The following LHFPL3 variants were observed in gnomAD, a reference collection of about 807,000 sequenced individuals.
The protein encoded by LHFPL3 is LHFPL tetraspan subfamily member 3, also known as LHFPL tetraspan subfamily member 3 protein.
Under a neutral mutation model 19.3 loss-of-function variants are expected in LHFPL3, and 5 were observed. The observed-to-expected ratio is 0.26, with a 90% CI of 0.14 to 0.54. The LOEUF is 0.54. Ranked by LOEUF, LHFPL3 falls within the 20% of genes least tolerant of loss-of-function variation. The pLI is 0.94. For missense variants in LHFPL3, 249 were observed against 307.4 expected, an observed-to-expected ratio of 0.81 and a Z score of 1.42; for synonymous variants, 133 against 126.2, an observed-to-expected ratio of 1.05 and a Z score of -0.36.
chr7:104,351,909 T>C (rs1389100824), intron 1 of LHFPL3, among the ~76,000 whole-genome samples: 2 of 152,116 alleles, frequency 1.3e-5, no homozygotes, highest in Non-Finnish European at 2.9e-5. Context: ...TAAGACCTAA[T>C]ACAACTAGGC....
At chr7:104,874,407 G>C (rs111892978) in intron 2 of LHFPL3, among the ~76,000 whole-genome samples, 3 of 90,936 alleles carry the variant, frequency 3.3e-5, no homozygotes, top group South Asian at 3.7e-4. Flanking sequence ...TTTTTTTTTT[G>C]GGGGGGGGAC....
At position 104,824,899 on chromosome 7, in the gene LHFPL3, TATATA is replaced by T. The variant is rs1207240014; in HGVS notation, c.683-81279_683-81275del. On this transcript the variant is annotated intron_variant, in intron 2 of 2. Coordinates refer to ENST00000424859, the MANE Select transcript of LHFPL3 (RefSeq NM_199000.3). ...AATTATATATATTATATAATAATTG[TATATA>T]ATATAATAATTTTATAATATATATA... Among the ~76,000 whole-genome samples the T allele has an allele frequency of 1.2e-4, 17 of 138,056 alleles. No homozygotes were observed. The East Asian group carries it at 1.6e-3, about 13-fold the overall frequency. The allele number at this position is 138,056 out of a possible 152,430, so 90.6% of individuals were successfully genotyped here.
At chr7:104,628,712 C>T (rs573719717) in intron 1 of LHFPL3, among the ~76,000 whole-genome samples, 2 of 152,256 alleles carry the variant, frequency 1.3e-5, no homozygotes, top group South Asian at 2.1e-4. Context: ...TAAATTTAAG[C>T]TTTTTCTGTT....
intron 1 of LHFPL3, among the ~76,000 whole-genome samples, chr7:104,566,365 T>C (rs575305447): frequency 9.9e-5 from 15 of 151,928 alleles, no homozygotes; most frequent in Non-Finnish European, 2.1e-4. Context: ...AAACAAAAAC[T>C]CACCTTCTTC....
Position 104,620,381 on chromosome 7 carries a change from C to T in LHFPL3, c.446-116294C>T, listed in dbSNP as rs907445643. ...TAGATAGAACAATGATGACTAAACC[C>T]TTTTGGCTATATAGGTTGTTAAATA... On this transcript the variant is annotated intron_variant, in intron 1 of 2. Transcript: ENST00000424859. Among the ~76,000 whole-genome samples the T allele has an allele frequency of 2.6e-5, 4 of 152,166 alleles. 1 individual carries two copies. The highest frequency in any genetic ancestry group is 4.1e-4 in the South Asian group (2 of 4,826).
chr7:104,800,437 G>A (rs747966642), intron 2 of LHFPL3, among the ~76,000 whole-genome samples: 5 of 151,976 alleles, frequency 3.3e-5, no homozygotes, highest in Non-Finnish European at 5.9e-5. Context: ...TCCTCTAACT[G>A]CTCTTGCCCA....
intron 1 of LHFPL3, among the ~76,000 whole-genome samples, chr7:104,587,582 A>G (rs543446382): frequency 3.9e-5 from 6 of 152,314 alleles, no homozygotes; most frequent in South Asian, 2.1e-4. Flanking sequence ...ATAAACATAC[A>G]TGTTCATGTG....
intron 2 of LHFPL3, among the ~76,000 whole-genome samples, chr7:104,816,224 T>C (rs1014896722): frequency 6.6e-6 from 1 of 152,156 alleles, no homozygotes; most frequent in Non-Finnish European, 1.5e-5. Flanking sequence ...TTTCCATAAT[T>C]AGGCCCACTT....
intron 2 of LHFPL3, among the ~76,000 whole-genome samples, chr7:104,873,725 T>C (rs574738838): frequency 6.6e-6 from 1 of 152,258 alleles, no homozygotes; most frequent in Non-Finnish European, 1.5e-5. Flanking sequence ...CACACACATT[T>C]TCTTTCCGTC....
At chr7:104,601,886 C>T (rs907224674) in intron 1 of LHFPL3, among the ~76,000 whole-genome samples, 9 of 152,132 alleles carry the variant, frequency 5.9e-5, no homozygotes, top group Non-Finnish European at 1.2e-4. Context: ...TGTGCTCACT[C>T]CATCTTCAGC....
chr7:104,653,426 C>T lies in LHFPL3; in HGVS notation c.446-83249C>T, dbSNP rs1398103602. On this transcript the variant is annotated intron_variant, in intron 1 of 2. Transcript: ENST00000424859. ...AGTGGAACAGCGAGGCAGAGAGAGG[C>T]CCTAAGGCCCCATAGAGGCAATGCT... 2.0e-5 allele frequency among the ~76,000 whole-genome samples: 3 copies of T among 152,172 alleles called. No individual in the cohort carries two copies. The East Asian group carries it at 5.8e-4, about 29-fold the overall frequency.
chr7:104,371,248 T>TA (rs145166064), intron 1 of LHFPL3, among the ~76,000 whole-genome samples: 2 of 152,110 alleles, frequency 1.3e-5, no homozygotes, highest in African/African-American at 2.4e-5. Context: ...TATTTTTAAT[T>TA]AAAAAAAATT....
At chr7:104,427,194 G>A (rs1244731503) in intron 1 of LHFPL3, among the ~76,000 whole-genome samples, 1 of 152,112 alleles carries the variant, frequency 6.6e-6, no homozygotes, top group Non-Finnish European at 1.5e-5. Context: ...AAGAAAGGAG[G>A]AAAAACACAT....
intron 2 of LHFPL3, among the ~76,000 whole-genome samples, chr7:104,819,063 C>T (rs914952703): frequency 2.1e-4 from 32 of 152,134 alleles, no homozygotes; most frequent in African/African-American, 7.7e-4. Flanking sequence ...TTTTGCATGC[C>T]TTCAAGAGTT....
chr7:104,514,167 G>A (rs1345965884), intron 1 of LHFPL3, among the ~76,000 whole-genome samples: 1 of 152,094 alleles, frequency 6.6e-6, no homozygotes, highest in Admixed American at 6.6e-5. Flanking sequence ...GCCATTCTCT[G>A]ATACAGATTC....
intron 1 of LHFPL3, among the ~76,000 whole-genome samples, chr7:104,729,946 C>G (rs1793666964): frequency 6.6e-6 from 1 of 150,824 alleles, no homozygotes; most frequent in Admixed American, 6.6e-5. Context: ...CTTCCTGTGT[C>G]CAAGTGTTCT....
intron 1 of LHFPL3, among the ~76,000 whole-genome samples, chr7:104,405,594 G>C (rs1343843318): frequency 1.3e-5 from 2 of 152,174 alleles, no homozygotes; most frequent in Non-Finnish European, 2.9e-5. Context: ...AGACAGAGAA[G>C]GGGTAAGTAA....
At chr7:104,351,854 TCTCTATATC>T (rs1365777837) in intron 1 of LHFPL3, among the ~76,000 whole-genome samples, 15 of 152,136 alleles carry the variant, frequency 9.9e-5, no homozygotes, top group African/African-American at 3.4e-4. Context: ...CTTCTCTTGG[TCTCTATATC>T]CTGTTACATC....
At position 104,653,710 on chromosome 7, in the gene LHFPL3, A is replaced by C. The variant is rs1027684186; in HGVS notation, c.446-82965A>C. Among the ~76,000 whole-genome samples, 7 of 152,272 alleles carry C rather than the reference A, an allele frequency of 4.6e-5. No homozygotes were observed. The South Asian group carries it at 1.0e-3, about 23-fold the overall frequency. On this transcript the variant is annotated intron_variant, in intron 1 of 2. Transcript: ENST00000424859. ...TACAGGTCACCCTTTTCATCATTCA[A>C]ATTTTCATAGAACGCTTTGACATTC...
Sources: gnomAD v4.1 joint callset for allele counts (sites outside exome capture counted in the v4.1 genomes callset) on GRCh38, gnomAD v4.1.1 for gene constraint, MANE v1.5 for transcripts, NCBI Gene and HGNC (gene_info 2026-07-23, HGNC 2026-07-21) for gene names.